Variants in CPN1 observed in about 807,000 individuals in gnomAD.
CPN1 encodes the protein carboxypeptidase N catalytic chain.
In CPN1, 37 loss-of-function variants were observed where a neutral mutation model predicts 46.4. The ratio of observed to expected loss-of-function variants is 0.80; its 90% CI spans 0.61 to 1.05. The LOEUF (loss-of-function observed/expected upper bound fraction) is 1.05. Ranked by LOEUF, CPN1 falls within the 50% of genes least tolerant of loss-of-function variation. The probability of loss-of-function intolerance (pLI) is 0.00; values close to 1 mark genes in which losing one functional copy is unlikely to be tolerated. For synonymous variants in CPN1, 224 were observed against 235.4 expected (o/e 0.95, Z 0.44); for missense variants, 563 against 602.6 (o/e 0.93, Z 0.69).
chr10:100,069,032 T>G (rs1252806086), intron 3 of CPN1, among the ~76,000 whole-genome samples: 1 of 152,198 alleles, frequency 6.6e-6, no homozygotes, highest in Non-Finnish European at 1.5e-5. Context: ...TCTCTCTAAG[T>G]GTAATAGCTA....
At chr10:100,055,214 G>A (rs1175077465) in intron 6 of CPN1, among the ~76,000 whole-genome samples, 1 of 151,836 alleles carries the variant, frequency 6.6e-6, no homozygotes, top group South Asian at 2.1e-4. Context: ...CTCCAGCCTG[G>A]GCAACAGAGT....
intron 2 of CPN1, among the ~76,000 whole-genome samples, chr10:100,070,356 G>T (rs1564775677): frequency 6.6e-6 from 1 of 151,898 alleles, no homozygotes; most frequent in Non-Finnish European, 1.5e-5. Flanking sequence ...GGTGGCGTGT[G>T]CCTGTAGTCC....
In CPN1 at chr10:100,045,704, A is replaced by G. The variant is rs373165026; in HGVS notation, c.1230+3054T>C. 3.9e-5 allele frequency among the ~76,000 whole-genome samples: 6 copies of G among 152,364 alleles called. No individual in the cohort carries two copies. The East Asian group carries it at 5.8e-4, about 15-fold the overall frequency. On this transcript the variant is annotated intron_variant, in intron 8 of 8. Coordinates refer to ENST00000370418, the MANE Select transcript of CPN1 (RefSeq NM_001308.3). ...AAGTTTCTTTTATCTTCTCTAAGCC[A>G]CAAATGGGGATACTTGCATCTACCT... is the stretch of plus-strand genomic sequence containing the variant.
intron 2 of CPN1, among the ~76,000 whole-genome samples, chr10:100,074,851 T>C (rs1448699220): frequency 6.6e-6 from 1 of 152,226 alleles, no homozygotes; most frequent in Non-Finnish European, 1.5e-5. Context: ...CTTCAAAATC[T>C]TCATCTGTGA....
intron 2 of CPN1, among the ~76,000 whole-genome samples, chr10:100,075,546 G>C (rs1245938182): frequency 6.6e-6 from 1 of 152,224 alleles, no homozygotes; most frequent in Admixed American, 6.5e-5. Context: ...GATGCTGAAA[G>C]TCCAGGAAAG....
At chr10:100,057,479 T>G (rs915641079) in intron 5 of CPN1, among the ~76,000 whole-genome samples, 1 of 152,180 alleles carries the variant, frequency 6.6e-6, no homozygotes, top group African/African-American at 2.4e-5. Flanking sequence ...GGTTCGTCCC[T>G]TAATGTTATG....
intron 7 of CPN1, 81 bp from the exon 8 acceptor site, chr10:100,048,957 G>T: frequency 8.5e-7 from 1 of 1,171,198 alleles, no homozygotes; most frequent in South Asian, 1.2e-5. Context: ...TGACTACAAG[G>T]TTGGCTTTTC....
At chr10:100,057,211 C>T in intron 5 of CPN1, 59 bp from the exon 6 acceptor site, 1 of 1,567,202 alleles carries the variant, frequency 6.4e-7, no homozygotes, top group South Asian at 1.2e-5. Context: ...AATGCCCCAT[C>T]TCATCTCTCT....
intron 8 of CPN1, 102 bp downstream of exon 8, chr10:100,048,656 G>A: frequency 1.1e-6 from 1 of 874,882 alleles, no homozygotes; most frequent in South Asian, 1.3e-5. Flanking sequence ...CCACAGTGGT[G>A]CCACTGCACT....
intron 8 of CPN1, among the ~76,000 whole-genome samples, chr10:100,047,017 T>C (rs979843627): frequency 6.7e-6 from 1 of 150,250 alleles, no homozygotes; most frequent in Non-Finnish European, 1.5e-5. Context: ...GTGGTTGGAG[T>C]GAGCCGAGAT....
intron 2 of CPN1, among the ~76,000 whole-genome samples, chr10:100,070,692 T>C (rs962666926): frequency 6.6e-6 from 1 of 152,198 alleles, no homozygotes; most frequent in Non-Finnish European, 1.5e-5. Context: ...TCAAGTTCCC[T>C]GCAGATCACG....
chr10:100,066,759 A>G (rs1471524952), intron 3 of CPN1, among the ~76,000 whole-genome samples: 1 of 152,220 alleles, frequency 6.6e-6, no homozygotes, highest in African/African-American at 2.4e-5. Flanking sequence ...TACAGGCTCC[A>G]TCTTTTCCAT....
chr10:100,077,993 C>T (rs572670603), intron 1 of CPN1, among the ~76,000 whole-genome samples: 1 of 152,282 alleles, frequency 6.6e-6, no homozygotes, highest in Admixed American at 6.5e-5. Flanking sequence ...GTGCCATGCA[C>T]TTAGCAGATG....
rs748732208 is a variant in CPN1 at position 100,048,730 on chromosome 10, G to C, written c.1230+28C>G. On this transcript the variant is annotated intron_variant, in intron 8 of 8. Coordinates refer to ENST00000370418, the MANE Select transcript of CPN1 (RefSeq NM_001308.3). ...AAAGACTGTATAAGTGATCTCTACA[G>C]TGCACCGTCAAGCTCAGCCTAACTC... The C allele has an allele frequency of 2.1e-6, 3 of 1,461,106 alleles. No homozygotes were observed. The Admixed American group carries it at 5.0e-5, about 24-fold the overall frequency. 90.5% of individuals were successfully genotyped at this position (1,461,106 alleles called of 1,614,324 possible).
intron 4 of CPN1, 27 bp from the exon 5 acceptor site, chr10:100,063,752 C>T (rs563392166): frequency 6.4e-7 from 1 of 1,558,826 alleles, no homozygotes; most frequent in Admixed American, 1.7e-5. Flanking sequence ...AGGAAAACGA[C>T]CTTGATGATT....
chr10:100,062,439 C>T (rs989448291), intron 5 of CPN1, among the ~76,000 whole-genome samples: 3 of 152,178 alleles, frequency 2.0e-5, no homozygotes, highest in Admixed American at 1.3e-4. Flanking sequence ...TGGTTGTGCC[C>T]AGGCCAGCTC....
At chr10:100,065,081 A>T in intron 4 of CPN1, 107 bp downstream of exon 4, 1 of 1,350,456 alleles carries the variant, frequency 7.4e-7, no homozygotes, top group Non-Finnish European at 1.0e-6. Context: ...CGGTATTTTC[A>T]ATTATTTTCT....
At chr10:100,044,713 C>CTTT (rs1326776621) in intron 8 of CPN1, among the ~76,000 whole-genome samples, 1 of 136,476 alleles carries the variant, frequency 7.3e-6, no homozygotes, top group Non-Finnish European at 1.6e-5. Flanking sequence ...AGTAAACAAT[C>CTTT]TTTTTTTTTT....
At chr10:100,063,845 GC>G (rs1479428704) in intron 4 of CPN1, 120 bp from the exon 5 acceptor site, 1 of 760,968 alleles carries the variant, frequency 1.3e-6, no homozygotes, top group African/African-American at 1.7e-5. Flanking sequence ...TGGATTATTT[GC>G]TTTAGTGAAA....
Sources: gnomAD v4.1 joint callset for allele counts (sites outside exome capture counted in the v4.1 genomes callset) on GRCh38, gnomAD v4.1.1 for gene constraint, MANE v1.5 for transcripts, NCBI Gene and HGNC (gene_info 2026-07-23, HGNC 2026-07-21) for gene names.